Variants in ARMC2 observed in about 807,000 individuals in gnomAD.
The protein encoded by ARMC2 is armadillo repeat-containing protein 2.
ARMC2 carries 67 observed loss-of-function variants against 90.3 expected under a neutral mutation model. The ratio of observed to expected loss-of-function variants is 0.74; its 90% CI spans 0.61 to 0.91. The LOEUF is 0.91. Ranked by LOEUF, ARMC2 falls within the 40% of genes least tolerant of loss-of-function variation. ARMC2 has a pLI of 0.00. For synonymous variants in ARMC2, 393 were observed against 393.0 expected, an observed-to-expected ratio of 1.00 and a Z score of 0.00; for missense variants, 920 against 1,030.9, an observed-to-expected ratio of 0.89 and a Z score of 1.47.
the ARMC2 span, among the ~76,000 whole-genome samples, chr6:109,016,156 G>A: frequency 6.6e-6 from 1 of 152,150 alleles, no homozygotes; most frequent in Non-Finnish European, 1.5e-5. Context: ...TGAGTCATTA[G>A]CTTAATCATG....
the ARMC2 span, among the ~76,000 whole-genome samples, chr6:109,026,014 G>T: frequency 6.6e-6 from 1 of 151,514 alleles, no homozygotes; most frequent in African/African-American, 2.4e-5. Context: ...TTATACCTTG[G>T]CCTACAGTAA....
intron 4 of ARMC2, among the ~76,000 whole-genome samples, chr6:108,870,768 T>G (rs1301820790): frequency 6.6e-6 from 1 of 152,114 alleles, no homozygotes; most frequent in Non-Finnish European, 1.5e-5. Flanking sequence ...TTTCCTTTCT[T>G]ACACTGCCAG....
chr6:109,046,331 A>C, the ARMC2 span, among the ~76,000 whole-genome samples: 3 of 151,862 alleles, frequency 2.0e-5, no homozygotes, highest in Non-Finnish European at 4.4e-5. Context: ...GTGATCCGCC[A>C]GCCTTGGCCT....
At chr6:108,885,318 A>T (rs1306028373) in intron 5 of ARMC2, among the ~76,000 whole-genome samples, 2 of 151,998 alleles carry the variant, frequency 1.3e-5, no homozygotes, top group African/African-American at 2.4e-5. Flanking sequence ...TAAAATTTTG[A>T]TCTTACAGAC....
chr6:108,938,331 T>C (rs1446972347), intron 12 of ARMC2, among the ~76,000 whole-genome samples: 3 of 151,866 alleles, frequency 2.0e-5, no homozygotes, highest in African/African-American at 7.3e-5. Context: ...AGACTTCTGC[T>C]GAGAATTATT....
chr6:108,895,361 G>A (rs1771491931), intron 6 of ARMC2, among the ~76,000 whole-genome samples: 1 of 151,194 alleles, frequency 6.6e-6, no homozygotes, highest in South Asian at 2.1e-4. Flanking sequence ...TGGGGCACCT[G>A]TAATCCCAAC....
At position 108,953,051 on chromosome 6, in the gene ARMC2, G is replaced by T. The variant is rs1454404818; in HGVS notation, c.1615G>T (p.Val539Phe). The T allele has an allele frequency of 1.2e-6, 2 of 1,611,214 alleles. No individual in the cohort carries two copies. Among genetic ancestry groups the T allele is most frequent in the Non-Finnish European group, 1.7e-6 (2 of 1,178,648 alleles). ...QKKQDLVVRV[V>F]FILGNLTAKN... ...ATTGCAGGATTTAGTCGTCCGTGTT[G>T]TTTTTATTCTTGGCAACCTGACGGC... The change falls in exon 13 of 18, where the codon GTT (valine) becomes TTT (phenylalanine). Residue 539 changes from valine to phenylalanine, a missense_variant. Coordinates refer to ENST00000392644, the MANE Select transcript of ARMC2 (RefSeq NM_032131.6).
intron 13 of ARMC2, among the ~76,000 whole-genome samples, chr6:108,955,067 G>A (rs1367063913): frequency 6.6e-6 from 1 of 152,190 alleles, no homozygotes; most frequent in Non-Finnish European, 1.5e-5. Flanking sequence ...TCCACCGGAT[G>A]AGGGCCCCAC....
chr6:108,963,405 C>A (rs1255690003), intron 15 of ARMC2, among the ~76,000 whole-genome samples: 1 of 152,202 alleles, frequency 6.6e-6, no homozygotes, highest in Non-Finnish European at 1.5e-5. Context: ...GCACATTTTG[C>A]TGGGCACTAT....
the ARMC2 span, among the ~76,000 whole-genome samples, chr6:108,981,658 C>CTTT: frequency 6.9e-5 from 10 of 145,950 alleles, no homozygotes; most frequent in East Asian, 4.0e-4. Flanking sequence ...GATTTCCTTA[C>CTTT]TTTTTTTTTT....
the ARMC2 span, chr6:108,998,818 A>G: frequency 1.5e-5 from 22 of 1,487,216 alleles, no homozygotes; most frequent in Non-Finnish European, 1.9e-5. Context: ...TATACAGTTC[A>G]TTTTAGTATT....
intron 5 of ARMC2, among the ~76,000 whole-genome samples, chr6:108,878,096 G>A (rs772561953): frequency 1.7e-4 from 26 of 152,212 alleles, no homozygotes; most frequent in Admixed American, 3.9e-4. Context: ...AAAAGTTTAC[G>A]TAGTAGGATT....
At chr6:109,033,307 C>A in the ARMC2 span, among the ~76,000 whole-genome samples, 1 of 152,090 alleles carries the variant, frequency 6.6e-6, no homozygotes, top group African/African-American at 2.4e-5. Context: ...TGTAAGAAGG[C>A]AGACTGTTAA....
At chr6:108,969,954 T>C (rs1009488646) in intron 17 of ARMC2, among the ~76,000 whole-genome samples, 17 of 152,140 alleles carry the variant, frequency 1.1e-4, no homozygotes, top group African/African-American at 1.9e-4. Context: ...GAGAATCACT[T>C]GAGCCCAGGA....
the ARMC2 span, chr6:108,990,946 G>C: frequency 1.1e-6 from 1 of 879,226 alleles, no homozygotes; most frequent in Non-Finnish European, 1.7e-6. Context: ...AATCCAACTG[G>C]CTTTTATCCC....
chr6:108,889,973 G>A (rs1770795899), intron 5 of ARMC2, among the ~76,000 whole-genome samples: 1 of 150,450 alleles, frequency 6.6e-6, no homozygotes, highest in African/African-American at 2.5e-5. Flanking sequence ...CGGATCACGA[G>A]GTCAGGAGAT....
chr6:109,028,774 G>T, the ARMC2 span, among the ~76,000 whole-genome samples: 3 of 152,126 alleles, frequency 2.0e-5, no homozygotes, highest in Admixed American at 2.0e-4. Flanking sequence ...CAAAGACTGG[G>T]TCACGAAAGC....
chr6:108,994,332 G>C, the ARMC2 span: 4 of 620,436 alleles, frequency 6.4e-6, no homozygotes, highest in Non-Finnish European at 1.0e-5. Context: ...TTGTAAATAG[G>C]AATACCTATG....
intron 3 of ARMC2, among the ~76,000 whole-genome samples, chr6:108,862,349 AAAAAAAAAAC>A (rs1003560248): frequency 1.4e-5 from 2 of 144,114 alleles, no homozygotes; most frequent in African/African-American, 5.2e-5. Flanking sequence ...TCTCAAAAAA[AAAAAAAAAAC>A]AAAAAAAACA....
Sources: allele counts gnomAD v4.1 joint callset (sites outside exome capture counted in the v4.1 genomes callset), GRCh38; gene constraint gnomAD v4.1.1; transcripts MANE v1.5; gene names NCBI Gene and HGNC (gene_info 2026-07-23, HGNC 2026-07-21).